AFG1L: variants seen among roughly 807,000 people sequenced by gnomAD.
AFG1L encodes AFG1 like ATPase.
Under a neutral mutation model 62.2 loss-of-function variants are expected in AFG1L, and 53 were observed. That is an observed-to-expected ratio of 0.85 (90% confidence interval 0.68 to 1.07). The LOEUF (loss-of-function observed/expected upper bound fraction) is 1.07, where lower values mean the gene tolerates loss of function less well. Ranked by LOEUF, AFG1L falls within the 50% of genes least tolerant of loss-of-function variation. AFG1L has a pLI of 0.00. For missense variants in AFG1L, 555 were observed against 590.5 expected, an observed-to-expected ratio of 0.94 and a Z score of 0.62; for synonymous variants, 228 against 210.3, an observed-to-expected ratio of 1.08 and a Z score of -0.73.
chr6:108,474,970 A>G (rs1192733324), intron 8 of AFG1L, among the ~76,000 whole-genome samples: 1 of 152,136 alleles, frequency 6.6e-6, no homozygotes, highest in East Asian at 1.9e-4. Flanking sequence ...GCCCATGCCT[A>G]TGTCCTGAAT....
chr6:108,459,500 C>T (rs1772374703), intron 8 of AFG1L, among the ~76,000 whole-genome samples: 2 of 152,174 alleles, frequency 1.3e-5, no homozygotes, highest in African/African-American at 4.8e-5. Context: ...AGATAGGTAA[C>T]TCTGGGCCCT....
At chr6:108,316,142 G>A (rs1392444241) in intron 1 of AFG1L, among the ~76,000 whole-genome samples, 2 of 151,790 alleles carry the variant, frequency 1.3e-5, no homozygotes, top group Admixed American at 6.6e-5. Flanking sequence ...AGCACTTTGC[G>A]AGGCCGAGGC....
At chr6:108,318,823 A>G (rs1473222461) in intron 1 of AFG1L, among the ~76,000 whole-genome samples, 1 of 152,248 alleles carries the variant, frequency 6.6e-6, no homozygotes. Flanking sequence ...TTGGAGTACA[A>G]TAAGACAAAT....
intron 4 of AFG1L, 145 bp from the exon 5 acceptor site, chr6:108,356,545 T>G: frequency 1.9e-6 from 1 of 526,634 alleles, no homozygotes. Context: ...TGCAAACAAT[T>G]TCAATGATCA....
chr6:108,372,079 C>T lies in AFG1L; in HGVS notation c.748+5747C>T, dbSNP rs140542485. Among the ~76,000 whole-genome samples the T allele has an allele frequency of 3.9e-3, 598 of 151,800 alleles. 6 individuals carry two copies. The highest frequency in any genetic ancestry group is 0.014 in the African/African-American group (573 of 41,452). On this transcript the variant is annotated intron_variant, in intron 6 of 12. Coordinates refer to ENST00000368977, the MANE Select transcript of AFG1L (RefSeq NM_145315.5). ...AGCCTGTTTAGTTTATTTTAAATAA[C>T]ATTTCTAGTAGTAGTACTATTATGT... is the stretch of plus-strand genomic sequence containing the variant.
intron 8 of AFG1L, among the ~76,000 whole-genome samples, chr6:108,474,657 A>G (rs769563087): frequency 6.6e-6 from 1 of 152,090 alleles, no homozygotes; most frequent in Non-Finnish European, 1.5e-5. Context: ...CTTCTTTCAT[A>G]TGTCTGTTGG....
intron 7 of AFG1L, among the ~76,000 whole-genome samples, chr6:108,427,188 C>T (rs1770852043): frequency 6.6e-6 from 1 of 151,938 alleles, no homozygotes; most frequent in Admixed American, 6.6e-5. Context: ...CTACAGACTC[C>T]ATCTCCTGGG....
chr6:108,419,841 C>A (rs1282620189), intron 7 of AFG1L, among the ~76,000 whole-genome samples: 1 of 152,108 alleles, frequency 6.6e-6, no homozygotes, highest in Non-Finnish European at 1.5e-5. Flanking sequence ...AGAATATTCC[C>A]ATGGTGTGAT....
intron 11 of AFG1L, among the ~76,000 whole-genome samples, chr6:108,512,721 G>A (rs753177396): frequency 1.5e-4 from 21 of 140,524 alleles, no homozygotes; most frequent in Non-Finnish European, 2.4e-4. Context: ...CTTCTTAATC[G>A]AAGGAAAAAA....
Position 108,340,357 on chromosome 6 carries a change from T to C in AFG1L, c.364-6631T>C, listed in dbSNP as rs1778634734. Among the ~76,000 whole-genome samples the C allele has an allele frequency of 2.9e-5, 4 of 136,342 alleles. No individual in the cohort carries two copies. In the South Asian group the frequency reaches 7.1e-4, roughly 24 times the overall value. The allele number at this position is 136,342 out of a possible 152,430, so 89.4% of individuals were successfully genotyped here. A position where few individuals can be genotyped will look rare whatever the true frequency, so the allele number is the denominator to read the frequency against. ...TAGGATTTTTTCTAACAGAAAGTTA[T>C]AATTTCAGTGTTTTTTTTTTTTTTG... is the stretch of plus-strand genomic sequence containing the variant. On this transcript the variant is annotated intron_variant, in intron 2 of 12. Coordinates refer to ENST00000368977, the MANE Select transcript of AFG1L (RefSeq NM_145315.5).
intron 6 of AFG1L, among the ~76,000 whole-genome samples, chr6:108,373,737 C>T (rs561817115): frequency 2.4e-5 from 3 of 125,302 alleles, no homozygotes; most frequent in South Asian, 6.4e-4. Flanking sequence ...CCACCATGCC[C>T]GGCTAATTTT....
chr6:108,337,667 C>T (rs746831519), intron 2 of AFG1L, among the ~76,000 whole-genome samples: 35 of 152,252 alleles, frequency 2.3e-4, no homozygotes, highest in Admixed American at 5.2e-4. Flanking sequence ...TTCTCAAATA[C>T]GACCCTGACT....
At position 108,522,576 on chromosome 6, in the gene AFG1L, T is replaced by C. The variant is rs779804812; in HGVS notation, c.*151T>C. The C allele has an allele frequency of 8.0e-5, 61 of 759,946 alleles. No individual in the cohort carries two copies. The highest frequency in any genetic ancestry group is 1.2e-4 in the Non-Finnish European group (60 of 511,706). The allele number at this position is 759,946 out of a possible 1,614,324, so 47.1% of individuals were successfully genotyped here. ...TCTAAAATTGCTCTCAAGGATCTAG[T>C]GGATTAGTAAGTTAAACACTTAACA... On this transcript the variant is annotated 3_prime_UTR_variant, in exon 13 of 13. Transcript: ENST00000368977.
intron 6 of AFG1L, among the ~76,000 whole-genome samples, chr6:108,396,033 G>T (rs1158568444): frequency 5.3e-5 from 8 of 150,586 alleles, no homozygotes; most frequent in Non-Finnish European, 1.0e-4. Flanking sequence ...TTGTTTGTTT[G>T]TTTTTTGTTT....
rs768456826 is a variant in AFG1L at position 108,477,225 on chromosome 6, G to C, written c.995G>C (p.Arg332Thr). The C allele has an allele frequency of 1.1e-5, 18 of 1,608,484 alleles. No individual in the cohort carries two copies. Among genetic ancestry groups the C allele is most frequent in the Non-Finnish European group, 1.5e-5 (18 of 1,176,522 alleles). Residue 332 changes from arginine to threonine, a missense_variant, in exon 10 of 13, where the codon AGA becomes ACA. By Grantham distance (71) the Arg-to-Thr change is moderately conservative. Transcript: ENST00000368977. ...TRPRILKVQG[R>T]ELRLNKACGT... Reference sequence around the variant, plus strand: ...CCAAGGATTCTAAAAGTGCAAGGCAGAGAGCTGCGCCTGAATAAAGCCTGT... The same window carrying C: ...CCAAGGATTCTAAAAGTGCAAGGCACAGAGCTGCGCCTGAATAAAGCCTGT...
chr6:108,372,432 CG>C (rs1486710358), intron 6 of AFG1L, among the ~76,000 whole-genome samples: 3 of 151,318 alleles, frequency 2.0e-5, no homozygotes, highest in Admixed American at 2.0e-4. Context: ...TGGGTTCAAG[CG>C]CCTCTCCTGC....
At chr6:108,296,851 T>C (rs1776784451) in intron 1 of AFG1L, among the ~76,000 whole-genome samples, 1 of 152,220 alleles carries the variant, frequency 6.6e-6, no homozygotes, top group Non-Finnish European at 1.5e-5. Flanking sequence ...AAGTACTTTC[T>C]ACATACATTA....
chr6:108,337,223 T>A (rs529836941), intron 2 of AFG1L, among the ~76,000 whole-genome samples: 10 of 152,376 alleles, frequency 6.6e-5, no homozygotes, highest in African/African-American at 2.2e-4. Context: ...TTACCTGATA[T>A]ACGAGAGATG....
At chr6:108,501,167 G>A (rs1165934130) in intron 10 of AFG1L, among the ~76,000 whole-genome samples, 1 of 152,082 alleles carries the variant, frequency 6.6e-6, no homozygotes, top group African/African-American at 2.4e-5. Context: ...CTAATACTTT[G>A]TATTTTTAGC....
Sources: allele counts gnomAD v4.1 joint callset (sites outside exome capture counted in the v4.1 genomes callset), GRCh38; gene constraint gnomAD v4.1.1; transcripts MANE v1.5; gene names NCBI Gene and HGNC (gene_info 2026-07-23, HGNC 2026-07-21).